The following CLPSL1 variants were observed in gnomAD, a reference collection of about 807,000 sequenced individuals.
CLPSL1 encodes colipase like 1.
A neutral mutation model predicts 9.3 loss-of-function variants in CLPSL1; 13 were observed. The ratio of observed to expected loss-of-function variants is 1.40; its 90% CI spans 0.91 to 2.22. CLPSL1 has a LOEUF of 2.22. Among genes scored for constraint, CLPSL1 ranks in the 30% most tolerant of loss-of-function variants. The probability of loss-of-function intolerance (pLI) is 0.00; values close to 1 mark genes in which losing one functional copy is unlikely to be tolerated. For synonymous variants in CLPSL1, 58 were observed against 56.9 expected (o/e 1.02, Z -0.08); for missense variants, 164 against 146.6 (o/e 1.12, Z -0.61).
At chr6:35,782,118 A>G (rs1767978128) in intron 1 of CLPSL1, among the ~76,000 whole-genome samples, 1 of 152,086 alleles carries the variant, frequency 6.6e-6, no homozygotes, top group Non-Finnish European at 1.5e-5. Flanking sequence ...TTTAGCAAAG[A>G]CCTAAAGGGA....
intron 2 of CLPSL1, 136 bp from the exon 3 acceptor site, chr6:35,787,731 C>T: frequency 1.2e-6 from 1 of 830,760 alleles, no homozygotes; most frequent in Non-Finnish European, 1.9e-6. Context: ...CCACTCTGAG[C>T]AGCTGGCAAG....
At chr6:35,791,038 C>A (rs1768175081), downstream of CLPSL1, among the ~76,000 whole-genome samples, 1 of 146,802 alleles carries the variant, frequency 6.8e-6, no homozygotes, top group East Asian at 2.0e-4. Flanking sequence ...GAGCAAGACT[C>A]TGTCTCAAAA....
Position 35,781,040 on chromosome 6 carries a change from G to T in CLPSL1, c.-71G>T. The T allele has an allele frequency of 6.3e-7, 1 of 1,590,514 alleles. No homozygotes were observed. Among genetic ancestry groups the T allele is most frequent in the Non-Finnish European group, 8.6e-7 (1 of 1,167,980 alleles). On this transcript the variant is annotated 5_prime_UTR_variant, in exon 1 of 3. Coordinates refer to ENST00000373861, the MANE Select transcript of CLPSL1 (RefSeq NM_001010886.5). ...TTTTACATGGTGTTCCCACAGCTGG[G>T]AGGACACCCACATGGTCGGCGTGCA...
downstream of CLPSL1, among the ~76,000 whole-genome samples, chr6:35,789,656 G>C (rs1408846371): frequency 6.6e-6 from 1 of 152,258 alleles, no homozygotes; most frequent in Admixed American, 6.5e-5. Flanking sequence ...CACTGTGGGA[G>C]GCCGAGTTGG....
chr6:35,789,643 C>CA (rs1444824768), downstream of CLPSL1, among the ~76,000 whole-genome samples: 1 of 152,242 alleles, frequency 6.6e-6, no homozygotes, highest in African/African-American at 2.4e-5. Context: ...CCTGTAATCC[C>CA]AGCACTGTGG....
chr6:35,785,526 C>G (rs1178542558), intron 1 of CLPSL1, among the ~76,000 whole-genome samples: 1 of 152,088 alleles, frequency 6.6e-6, no homozygotes, highest in Non-Finnish European at 1.5e-5. Flanking sequence ...ATGTGCATTC[C>G]CCGGGCTCAC....
intron 1 of CLPSL1, among the ~76,000 whole-genome samples, chr6:35,783,475 A>G (rs1378563679): frequency 3.3e-5 from 5 of 150,034 alleles, no homozygotes; most frequent in Non-Finnish European, 7.4e-5. Context: ...GTGCCATTGC[A>G]CTCCAGCCTG....
At chr6:35,781,322 C>T in intron 1 of CLPSL1, 113 bp downstream of exon 1, 2 of 1,415,944 alleles carry the variant, frequency 1.4e-6, no homozygotes, top group Non-Finnish European at 9.3e-7. Flanking sequence ...GAAGTGGGGG[C>T]AGCAGGGAGT....
intron 1 of CLPSL1, 42 bp downstream of exon 1, chr6:35,781,251 C>A (rs1176872403): frequency 1.9e-6 from 3 of 1,605,428 alleles, no homozygotes; most frequent in Non-Finnish European, 2.6e-6. Flanking sequence ...CCTCCACTGT[C>A]CTAAGGCCTG....
rs749393825 is a variant in CLPSL1 at position 35,781,144 on chromosome 6, C to T, written c.34C>T (p.Leu12Phe). 5 of 1,614,048 alleles carry T rather than the reference C, an allele frequency of 3.1e-6. No homozygotes were observed. Among genetic ancestry groups the T allele is most frequent in the East Asian group, 2.2e-5 (1 of 44,880 alleles). The change falls in exon 1 of 3, where the codon CTT (leucine) becomes TTT (phenylalanine). Residue 12 changes from leucine to phenylalanine, a missense_variant. Coordinates refer to ENST00000373861, the MANE Select transcript of CLPSL1 (RefSeq NM_001010886.5). The stretch of plus-strand genomic sequence containing the variant: ...ACCCCAATGGCTGCTGCTGCTGTTC[C>T]TTCTCTTCTTCTTTCTCTTCCTCCT... ...MLPQWLLLLF[L>F]LFFFLFLLTR...
In CLPSL1 at chr6:35,781,292, G is replaced by A. The variant is rs1581949645; in HGVS notation, c.99+83G>A. On this transcript the variant is annotated intron_variant, in intron 1 of 2. Coordinates refer to ENST00000373861, the MANE Select transcript of CLPSL1 (RefSeq NM_001010886.5). ...TTTGGGGAGGTGAGCGGGCATGGGG[G>A]CTAGTGTGGGAGAAGGCCAGAAGTG... is the stretch of plus-strand genomic sequence containing the variant. 7.2e-6 allele frequency: 11 copies of A among 1,528,426 alleles called. No homozygotes were observed. In the South Asian group the frequency reaches 1.2e-4, roughly 17 times the overall value. The allele number at this position is 1,528,426 out of a possible 1,614,324, so 94.7% of individuals were successfully genotyped here.
chr6:35,786,889 G>T, intron 1 of CLPSL1, 109 bp from the exon 2 acceptor site: 3 of 1,363,726 alleles, frequency 2.2e-6, no homozygotes, highest in Non-Finnish European at 3.0e-6. Context: ...CAGAGGTGAT[G>T]GTGGGAGCAG....
chr6:35,781,259 C>T, intron 1 of CLPSL1, 50 bp downstream of exon 1: 1 of 1,598,462 alleles, frequency 6.3e-7, no homozygotes, highest in Non-Finnish European at 8.5e-7. Flanking sequence ...GTCCTAAGGC[C>T]TGTACTATTT....
At chr6:35,791,141 C>T (rs1313073568), downstream of CLPSL1, among the ~76,000 whole-genome samples, 3 of 152,258 alleles carry the variant, frequency 2.0e-5, no homozygotes, top group East Asian at 5.8e-4. Flanking sequence ...TCTCTAGACC[C>T]CTTCACAAGC....
At chr6:35,788,213 TG>T (rs1561942101), downstream of CLPSL1, 2 of 564,182 alleles carry the variant, frequency 3.5e-6, no homozygotes, top group Non-Finnish European at 6.5e-6. Flanking sequence ...TACAGGTTTC[TG>T]GGGGGTGGGG....
downstream of CLPSL1, among the ~76,000 whole-genome samples, chr6:35,789,629 C>G (rs1163664347): frequency 1.3e-5 from 2 of 152,252 alleles, no homozygotes; most frequent in African/African-American, 4.8e-5. Flanking sequence ...CACGGTGGCT[C>G]ATGCCTGTAA....
rs763820507 is a variant in CLPSL1, at chr6:35,788,036, C to T, written c.*26C>T. Reference sequence around the variant, plus strand: ...TGCTCCCTCCTTCTTGCTGCCTCCTCCTCCTCCACCTGCTCTCCTCCCTAC... The same window carrying T: ...TGCTCCCTCCTTCTTGCTGCCTCCTTCTCCTCCACCTGCTCTCCTCCCTAC... On this transcript the variant is annotated 3_prime_UTR_variant, in exon 3 of 3. Transcript: ENST00000373861. The T allele has an allele frequency of 4.5e-6, 7 of 1,550,842 alleles. No homozygotes were observed. The African/African-American group carries it at 6.8e-5, about 15-fold the overall frequency.
At chr6:35,790,666 T>C (rs1768168297), downstream of CLPSL1, among the ~76,000 whole-genome samples, 1 of 152,258 alleles carries the variant, frequency 6.6e-6, no homozygotes, top group Non-Finnish European at 1.5e-5. Flanking sequence ...ATGGGAGCTA[T>C]TATAGTTTCG....
chr6:35,783,777 C>T (rs1768015894), intron 1 of CLPSL1, among the ~76,000 whole-genome samples: 1 of 147,414 alleles, frequency 6.8e-6, no homozygotes, highest in Non-Finnish European at 1.5e-5. Flanking sequence ...CACTGCATTC[C>T]AGCCTGGGCG....
Sources: gnomAD v4.1 joint callset for allele counts (sites outside exome capture counted in the v4.1 genomes callset) on GRCh38, gnomAD v4.1.1 for gene constraint, MANE v1.5 for transcripts, NCBI Gene and HGNC (gene_info 2026-07-23, HGNC 2026-07-21) for gene names.